ZMYND8: variants seen among roughly 807,000 people sequenced by gnomAD.
ZMYND8 encodes the protein zinc finger MYND-type containing 8.
Under a neutral mutation model 140.8 loss-of-function variants are expected in ZMYND8, and 37 were observed. That is an observed-to-expected ratio of 0.26 (90% confidence interval 0.20 to 0.35). ZMYND8 has a LOEUF of 0.35. Among genes scored for constraint, ZMYND8 ranks in the 10% least tolerant of loss-of-function variants. The probability of loss-of-function intolerance (pLI) is 1.00; values close to 1 mark genes in which losing one functional copy is unlikely to be tolerated. For synonymous variants in ZMYND8, 592 were observed against 597.1 expected (o/e 0.99, Z 0.12); for missense variants, 1,068 against 1,570.0 (o/e 0.68, Z 5.40).
chr20:47,312,789 C>CAAAAAAAAAAAAAAAAA (rs1210409565), intron 2 of ZMYND8, among the ~76,000 whole-genome samples: 1 of 68,722 alleles, frequency 1.5e-5, no homozygotes, highest in African/African-American at 5.2e-5. Flanking sequence ...GACTCCGTCT[C>CAAAAAAAAAAAAAAAAA]AAAAAAAAAA....
At chr20:47,274,546 C>T (rs554712436) in intron 11 of ZMYND8, among the ~76,000 whole-genome samples, 1 of 152,222 alleles carries the variant, frequency 6.6e-6, no homozygotes, top group East Asian at 1.9e-4. Context: ...TAAATGGAAC[C>T]GTGTCATGAA....
intron 2 of ZMYND8, chr20:47,319,343 G>C (rs6012157): frequency 2.8e-4 from 75 of 266,218 alleles, no homozygotes; most frequent in Middle Eastern, 2.6e-3. Context: ...AACTGCAGTT[G>C]TTCTGCTGGC....
intron 3 of ZMYND8, among the ~76,000 whole-genome samples, chr20:47,304,112 T>C (rs1055192928): frequency 6.6e-5 from 10 of 152,186 alleles, no homozygotes; most frequent in African/African-American, 1.9e-4. Flanking sequence ...ACATGTATAA[T>C]GTGTGTTACC....
chr20:47,252,124 T>C (rs764925662), intron 12 of ZMYND8, among the ~76,000 whole-genome samples: 2 of 151,136 alleles, frequency 1.3e-5, no homozygotes, highest in Admixed American at 6.6e-5. Flanking sequence ...TGAAATCCCG[T>C]CTCTACTAAA....
intron 4 of ZMYND8, among the ~76,000 whole-genome samples, chr20:47,295,046 G>A (rs1312494695): frequency 6.6e-6 from 1 of 152,148 alleles, no homozygotes; most frequent in Admixed American, 6.6e-5. Context: ...GGCTAAACAG[G>A]GGCCTGAAAA....
intron 2 of ZMYND8, among the ~76,000 whole-genome samples, chr20:47,342,608 G>A (rs1197222787): frequency 6.6e-6 from 1 of 150,642 alleles, no homozygotes; most frequent in Non-Finnish European, 1.5e-5. Context: ...CACTTTGGGA[G>A]GCTGAGGCAG....
chr20:47,234,561 G>A (rs534432913), intron 16 of ZMYND8, among the ~76,000 whole-genome samples: 15 of 152,266 alleles, frequency 9.9e-5, no homozygotes, highest in East Asian at 5.8e-4. Context: ...ATCCTGAAGC[G>A]GAGAGCCCCG....
intron 6 of ZMYND8, 116 bp downstream of exon 6, chr20:47,291,680 G>T: frequency 3.1e-6 from 2 of 640,004 alleles, no homozygotes; most frequent in East Asian, 3.3e-5. Context: ...TGAAAATATA[G>T]AGAAACAATT....
At chr20:47,258,474 G>T (rs2074919913) in intron 12 of ZMYND8, among the ~76,000 whole-genome samples, 1 of 152,196 alleles carries the variant, frequency 6.6e-6, no homozygotes, top group Admixed American at 6.5e-5. Flanking sequence ...CACCTGCATA[G>T]ATTCCTGTAA....
At chr20:47,264,947 G>T (rs1376451326) in intron 11 of ZMYND8, among the ~76,000 whole-genome samples, 1 of 151,816 alleles carries the variant, frequency 6.6e-6, no homozygotes, top group Non-Finnish European at 1.5e-5. Flanking sequence ...TGAGATGGGA[G>T]GATCCATTGA....
intron 16 of ZMYND8, among the ~76,000 whole-genome samples, chr20:47,231,256 A>G (rs888353301): frequency 1.3e-5 from 2 of 152,170 alleles, no homozygotes; most frequent in African/African-American, 4.8e-5. Context: ...AGGGGACAAG[A>G]GATCAGGCTC....
chr20:47,318,482 CG>C (rs2079596970), intron 2 of ZMYND8: 1 of 346,466 alleles, frequency 2.9e-6, no homozygotes, highest in Non-Finnish European at 5.7e-6. Flanking sequence ...GACAAAAGTC[CG>C]GAATTTCCTC....
intron 21 of ZMYND8, among the ~76,000 whole-genome samples, chr20:47,213,325 A>T (rs1302378038): frequency 6.6e-6 from 1 of 152,256 alleles, no homozygotes; most frequent in Non-Finnish European, 1.5e-5. Flanking sequence ...CTCCGTAAAC[A>T]GCTGATACCG....
chr20:47,350,005 A>G, intron 1 of ZMYND8: 1 of 1,496,336 alleles, frequency 6.7e-7, no homozygotes, highest in South Asian at 1.3e-5. Flanking sequence ...GACGAGGAAA[A>G]TGCAAACTAG....
chr20:47,264,226 G>A (rs1039621912), intron 11 of ZMYND8, among the ~76,000 whole-genome samples: 5 of 152,172 alleles, frequency 3.3e-5, no homozygotes, highest in Admixed American at 6.5e-5. Context: ...GTCAATTGGC[G>A]CCGAGCAAGT....
intron 2 of ZMYND8, among the ~76,000 whole-genome samples, chr20:47,342,996 C>A (rs2082034988): frequency 6.6e-6 from 1 of 150,950 alleles, no homozygotes; most frequent in African/African-American, 2.4e-5. Flanking sequence ...AATAAATAGG[C>A]CAGCCGGGCA....
At position 47,271,051 on chromosome 20, in the gene ZMYND8, T is replaced by A. The variant is rs915674292; in HGVS notation, c.1480+5263A>T. On this transcript the variant is annotated intron_variant, in intron 11 of 22. Transcript: ENST00000471951. ...GAGATCGCACCACTGTACTCCAGCC[T>A]GGACGACAGAGTGAGACTCCGTCTA... 1.3e-4 allele frequency among the ~76,000 whole-genome samples: 20 copies of A among 151,730 alleles called. No individual in the cohort carries two copies. In the Middle Eastern group the frequency reaches 0.01, roughly 77 times the overall value.
At chr20:47,296,599 G>A (rs911591059) in intron 4 of ZMYND8, among the ~76,000 whole-genome samples, 1 of 152,156 alleles carries the variant, frequency 6.6e-6, no homozygotes, top group African/African-American at 2.4e-5. Context: ...TCTAGGTTCT[G>A]ATGATAATAA....
At chr20:47,233,376 AT>A (rs895834415) in intron 16 of ZMYND8, among the ~76,000 whole-genome samples, 2 of 151,194 alleles carry the variant, frequency 1.3e-5, no homozygotes, top group African/African-American at 4.9e-5. Context: ...GGCCCAGCTA[AT>A]TTTTTTTTAT....
Sources: gnomAD v4.1 joint callset for allele counts (sites outside exome capture counted in the v4.1 genomes callset) on GRCh38, gnomAD v4.1.1 for gene constraint, MANE v1.5 for transcripts, NCBI Gene and HGNC (gene_info 2026-07-23, HGNC 2026-07-21) for gene names.